The following VTI1A variants were observed in gnomAD, a reference collection of about 807,000 sequenced individuals.
The protein encoded by VTI1A is vesicle transport through interaction with t-SNAREs homolog 1A.
VTI1A carries 22 observed loss-of-function variants against 34.9 expected under a neutral mutation model. That is an observed-to-expected ratio of 0.63 (90% CI 0.45 to 0.90). The LOEUF is 0.90. VTI1A is among the 40% of genes least tolerant of loss of function. The pLI is 0.00. For synonymous variants in VTI1A, 87 were observed against 97.3 expected, an observed-to-expected ratio of 0.89 and a Z score of 0.62; for missense variants, 268 against 275.6, an observed-to-expected ratio of 0.97 and a Z score of 0.20.
At chr10:112,544,832 A>G (rs1372988371) in intron 5 of VTI1A, among the ~76,000 whole-genome samples, 2 of 152,114 alleles carry the variant, frequency 1.3e-5, no homozygotes, top group Non-Finnish European at 2.9e-5. Context: ...CAGAAAGAAA[A>G]CCAGTACAGC....
At chr10:112,725,657 G>T (rs1191626330) in intron 7 of VTI1A, among the ~76,000 whole-genome samples, 1 of 152,180 alleles carries the variant, frequency 6.6e-6, no homozygotes, top group Non-Finnish European at 1.5e-5. Flanking sequence ...ATATAGAAAA[G>T]CTTACTATCA....
At chr10:112,641,318 C>A (rs1462818433) in intron 5 of VTI1A, among the ~76,000 whole-genome samples, 1 of 152,156 alleles carries the variant, frequency 6.6e-6, no homozygotes. Context: ...ATCCTTCAAA[C>A]ACGCTAAGCT....
intron 7 of VTI1A, among the ~76,000 whole-genome samples, chr10:112,814,956 C>T (rs555364528): frequency 3.3e-5 from 5 of 151,926 alleles, no homozygotes; most frequent in African/African-American, 7.2e-5. Flanking sequence ...AAGAGAAGCT[C>T]GCAAGGGGCC....
At chr10:112,715,365 GT>G (rs932283067) in intron 7 of VTI1A, among the ~76,000 whole-genome samples, 1 of 152,106 alleles carries the variant, frequency 6.6e-6, no homozygotes, top group Admixed American at 6.5e-5. Context: ...TATTATGATT[GT>G]TTTCAAAATC....
chr10:112,466,599 C>G (rs1431010066), intron 3 of VTI1A, among the ~76,000 whole-genome samples: 1 of 152,094 alleles, frequency 6.6e-6, no homozygotes, highest in East Asian at 1.9e-4. Flanking sequence ...CAAATTTATA[C>G]TGAGAAAATT....
intron 4 of VTI1A, among the ~76,000 whole-genome samples, chr10:112,537,539 T>C (rs1850691931): frequency 6.6e-6 from 1 of 151,856 alleles, no homozygotes; most frequent in African/African-American, 2.4e-5. Context: ...GAGGTATATA[T>C]AATTACTGTA....
chr10:112,738,602 G>A (rs1850583404), intron 7 of VTI1A, among the ~76,000 whole-genome samples: 1 of 152,208 alleles, frequency 6.6e-6, no homozygotes, highest in Non-Finnish European at 1.5e-5. Context: ...GTAAAGTTCA[G>A]TGTAAAATTA....
At chr10:112,661,379 G>T (rs909845382) in intron 5 of VTI1A, among the ~76,000 whole-genome samples, 4 of 152,140 alleles carry the variant, frequency 2.6e-5, no homozygotes, top group African/African-American at 7.2e-5. Context: ...ACCTCCCAAA[G>T]TGCTGAGATT....
intron 7 of VTI1A, among the ~76,000 whole-genome samples, chr10:112,804,922 G>A (rs1442094413): frequency 1.4e-5 from 2 of 141,424 alleles, no homozygotes; most frequent in Admixed American, 1.5e-4. Flanking sequence ...ATGCAGTCGT[G>A]CGATCACAGG....
chr10:112,844,630 C>A, the VTI1A span, among the ~76,000 whole-genome samples: 745 of 152,282 alleles, frequency 4.9e-3, 4 homozygotes, highest in Non-Finnish European at 7.2e-3. Flanking sequence ...AACTCCTGAC[C>A]TCAGGTGATC....
intron 7 of VTI1A, among the ~76,000 whole-genome samples, chr10:112,720,168 G>A (rs1023347336): frequency 6.6e-6 from 1 of 152,192 alleles, no homozygotes; most frequent in African/African-American, 2.4e-5. Context: ...TGCTGTCATG[G>A]ACATTTATGT....
chr10:112,853,112 C>T, the VTI1A span, among the ~76,000 whole-genome samples: 2 of 152,172 alleles, frequency 1.3e-5, no homozygotes, highest in South Asian at 2.1e-4. Context: ...GCCATGTTCT[C>T]CTTGTCCAAG....
chr10:112,801,601 T>C (rs901248252), intron 7 of VTI1A, among the ~76,000 whole-genome samples: 13 of 152,136 alleles, frequency 8.5e-5, no homozygotes, highest in African/African-American at 2.9e-4. Context: ...CTACAATAAA[T>C]CTTCAGCAGA....
At chr10:112,791,761 C>A (rs1024688668) in intron 7 of VTI1A, among the ~76,000 whole-genome samples, 5 of 151,896 alleles carry the variant, frequency 3.3e-5, no homozygotes, top group African/African-American at 1.2e-4. Flanking sequence ...GTATAACTTA[C>A]ACTGATCACT....
At chr10:112,578,012 C>T (rs542876521) in intron 5 of VTI1A, among the ~76,000 whole-genome samples, 1 of 152,260 alleles carries the variant, frequency 6.6e-6, no homozygotes, top group South Asian at 2.1e-4. Flanking sequence ...GAAAAAAGTC[C>T]GGAAATACTA....
intron 3 of VTI1A, among the ~76,000 whole-genome samples, chr10:112,519,044 A>G (rs1439892464): frequency 2.0e-5 from 3 of 152,094 alleles, no homozygotes; most frequent in Admixed American, 6.6e-5. Context: ...ACATTAAAAG[A>G]CATTGTATAT....
chr10:112,449,158 T>C (rs1371562705), intron 1 of VTI1A: 7 of 152,244 alleles, frequency 4.6e-5, no homozygotes, highest in Non-Finnish European at 1.0e-4. Flanking sequence ...CGTCTTGATT[T>C]TTGTTATTGT....
At chr10:112,574,869 A>G (rs1247621924) in intron 5 of VTI1A, among the ~76,000 whole-genome samples, 1 of 152,226 alleles carries the variant, frequency 6.6e-6, no homozygotes, top group Non-Finnish European at 1.5e-5. Context: ...GGCTGGTACT[A>G]GACTATTGTT....
intron 1 of VTI1A, chr10:112,449,108 CCTCTT>C (rs1847126935): frequency 6.6e-6 from 1 of 152,218 alleles, no homozygotes; most frequent in South Asian, 2.1e-4. Context: ...CATCACCTCG[CCTCTT>C]CTCTTCAGTT....
Sources: gnomAD v4.1 joint callset for allele counts (sites outside exome capture counted in the v4.1 genomes callset) on GRCh38, gnomAD v4.1.1 for gene constraint, MANE v1.5 for transcripts, NCBI Gene and HGNC (gene_info 2026-07-23, HGNC 2026-07-21) for gene names.